The following NEGR1 variants were observed in gnomAD, a reference collection of about 807,000 sequenced individuals.
NEGR1 encodes IgLON family member 4.
A neutral mutation model predicts 40.9 loss-of-function variants in NEGR1; 10 were observed. The observed-to-expected ratio is 0.24, with a 90% CI of 0.15 to 0.42. The LOEUF is 0.42. NEGR1 is among the 10% of genes least tolerant of loss of function. NEGR1 has a pLI of 1.00. For synonymous variants in NEGR1, 185 were observed against 166.8 expected (o/e 1.11, Z -0.84); for missense variants, 352 against 438.9 (o/e 0.80, Z 1.77).
chr1:71,441,376 A>G (rs961868539), intron 6 of NEGR1, among the ~76,000 whole-genome samples: 1 of 152,100 alleles, frequency 6.6e-6, no homozygotes, highest in Non-Finnish European at 1.5e-5. Flanking sequence ...GGCAGTATGT[A>G]TTTCCCTGCC....
chr1:72,163,428 G>C (rs1000017116), intron 1 of NEGR1, among the ~76,000 whole-genome samples: 1 of 151,838 alleles, frequency 6.6e-6, no homozygotes, highest in Non-Finnish European at 1.5e-5. Flanking sequence ...TCTACCATGC[G>C]CTACATGATA....
At chr1:71,906,925 ACTCT>A (rs1349863346) in intron 2 of NEGR1, among the ~76,000 whole-genome samples, 3 of 151,126 alleles carry the variant, frequency 2.0e-5, no homozygotes, top group Non-Finnish European at 4.4e-5. Flanking sequence ...AATTTAGGAG[ACTCT>A]CTCTTATTTT....
At chr1:72,223,862 TC>T (rs1363449451) in intron 1 of NEGR1, among the ~76,000 whole-genome samples, 1 of 152,084 alleles carries the variant, frequency 6.6e-6, no homozygotes, top group African/African-American at 2.4e-5. Flanking sequence ...ATCAGCAACA[TC>T]CCCATCTCCC....
At chr1:71,434,556 T>C (rs1646493569) in intron 6 of NEGR1, among the ~76,000 whole-genome samples, 1 of 152,160 alleles carries the variant, frequency 6.6e-6, no homozygotes, top group Non-Finnish European at 1.5e-5. Flanking sequence ...TTTCTCGAGG[T>C]TCTTGTGTTT....
intron 6 of NEGR1, among the ~76,000 whole-genome samples, chr1:71,575,330 T>C (rs1179529246): frequency 6.6e-6 from 1 of 152,196 alleles, no homozygotes; most frequent in African/African-American, 2.4e-5. Context: ...GTGGGAAGTC[T>C]GTGAAATTTG....
rs114327342 is a variant in NEGR1 at position 71,906,007 on chromosome 1, T to C, written c.409+29072A>G. Among the ~76,000 whole-genome samples the C allele has an allele frequency of 2.3e-3, 355 of 152,236 alleles. 3 individuals carry two copies. The highest frequency in any genetic ancestry group is 4.2e-3 in the Non-Finnish European group (284 of 68,006). On this transcript the variant is annotated intron_variant, in intron 2 of 6. Transcript: ENST00000357731. ...CCACCTAATATCTAATTAGGGACTTTCCACCATATTATATCAAAATAAGGC... is the reference window on the plus strand; with the variant it reads ...CCACCTAATATCTAATTAGGGACTTCCCACCATATTATATCAAAATAAGGC...
At chr1:71,680,787 A>G (rs1280759431) in intron 4 of NEGR1, among the ~76,000 whole-genome samples, 1 of 152,196 alleles carries the variant, frequency 6.6e-6, no homozygotes. Context: ...GTTAATATTT[A>G]TTAAAGTTTG....
intron 2 of NEGR1, among the ~76,000 whole-genome samples, chr1:71,838,310 T>C (rs149369692): frequency 7.2e-5 from 11 of 152,244 alleles, no homozygotes; most frequent in African/African-American, 2.6e-4. Context: ...GTTTTAAATA[T>C]AACCATGTAA....
chr1:71,986,520 C>T (rs1303236004), intron 1 of NEGR1, among the ~76,000 whole-genome samples: 1 of 152,154 alleles, frequency 6.6e-6, no homozygotes, highest in Non-Finnish European at 1.5e-5. Flanking sequence ...CCCATCTTTC[C>T]CCTTCTCCTC....
At chr1:72,134,564 T>C (rs113756271) in intron 1 of NEGR1, among the ~76,000 whole-genome samples, 1 of 151,798 alleles carries the variant, frequency 6.6e-6, no homozygotes, top group South Asian at 2.1e-4. Context: ...ACATTATATA[T>C]ACAATGGCAA....
intron 3 of NEGR1, among the ~76,000 whole-genome samples, chr1:71,719,091 G>T (rs1443520366): frequency 2.6e-5 from 4 of 152,180 alleles, no homozygotes; most frequent in Non-Finnish European, 4.4e-5. Context: ...ACTCTCTGGG[G>T]AAAGAGTTCT....
chr1:71,729,211 T>C (rs925014968), intron 3 of NEGR1, among the ~76,000 whole-genome samples: 53 of 152,184 alleles, frequency 3.5e-4, no homozygotes, highest in African/African-American at 1.1e-3. Flanking sequence ...ACCAGTTGTG[T>C]GCAAAATTTC....
At chr1:71,636,634 GT>G (rs2101569535) in intron 4 of NEGR1, among the ~76,000 whole-genome samples, 1 of 152,200 alleles carries the variant, frequency 6.6e-6, no homozygotes, top group Non-Finnish European at 1.5e-5. Context: ...TTATCAAATA[GT>G]ATGCTGCAGA....
rs74533267 is a variant in NEGR1, at chr1:71,863,768, G to A, written c.409+71311C>T. ...ATAGACAGTACTAGTGTTCCTGAGC[G>A]CCTTAGGGAATATAATTTTGAGTGG... On this transcript the variant is annotated intron_variant, in intron 2 of 6. Transcript: ENST00000357731. 1.2e-3 allele frequency among the ~76,000 whole-genome samples: 188 copies of A among 152,174 alleles called. 5 individuals are homozygous for A. In the East Asian group the frequency reaches 0.033, roughly 26 times the overall value.
chr1:71,710,713 A>C (rs560520014), intron 3 of NEGR1, among the ~76,000 whole-genome samples: 1 of 152,236 alleles, frequency 6.6e-6, no homozygotes, highest in South Asian at 2.1e-4. Context: ...GGTCATAAAG[A>C]GTAGAAGGAT....
intron 1 of NEGR1, among the ~76,000 whole-genome samples, chr1:72,017,347 C>T (rs1470763428): frequency 6.6e-6 from 1 of 152,034 alleles, no homozygotes; most frequent in Non-Finnish European, 1.5e-5. Context: ...TCTTATATTA[C>T]TTTTGACATA....
At chr1:72,010,356 CAGAAA>C (rs1335243111) in intron 1 of NEGR1, among the ~76,000 whole-genome samples, 1 of 152,036 alleles carries the variant, frequency 6.6e-6, no homozygotes, top group Non-Finnish European at 1.5e-5. Flanking sequence ...TGGATAAAAA[CAGAAA>C]GGAAAGAGAG....
At chr1:71,712,564 C>T (rs1346450993) in intron 3 of NEGR1, among the ~76,000 whole-genome samples, 1 of 152,122 alleles carries the variant, frequency 6.6e-6, no homozygotes, top group East Asian at 1.9e-4. Flanking sequence ...TTTGACTTTT[C>T]TGGCGTTTAA....
intron 1 of NEGR1, among the ~76,000 whole-genome samples, chr1:72,016,586 T>C (rs1646712085): frequency 6.6e-6 from 1 of 152,202 alleles, no homozygotes; most frequent in Non-Finnish European, 1.5e-5. Flanking sequence ...CAGGCCAAAC[T>C]GAAGGTGTTT....
Sources: allele counts gnomAD v4.1 joint callset (sites outside exome capture counted in the v4.1 genomes callset), GRCh38; gene constraint gnomAD v4.1.1; transcripts MANE v1.5; gene names NCBI Gene and HGNC (gene_info 2026-07-23, HGNC 2026-07-21).